Variants in ROBO1 observed in about 807,000 individuals in gnomAD.
ROBO1 encodes the protein roundabout homolog 1.
ROBO1 carries 149 observed loss-of-function variants against 195.9 expected under a neutral mutation model. The observed-to-expected ratio is 0.76, with a 90% CI of 0.67 to 0.87. ROBO1 has a LOEUF of 0.87. ROBO1 is among the 40% of genes least tolerant of loss of function. The probability of loss-of-function intolerance (pLI) is 0.00; values close to 1 mark genes in which losing one functional copy is unlikely to be tolerated. For missense variants in ROBO1, 1,933 were observed against 2,068.3 expected (o/e 0.93, Z 1.27); for synonymous variants, 816 against 733.2 (o/e 1.11, Z -1.82).
At chr3:78,820,332 T>TATCA (rs2030755914) in intron 4 of ROBO1, among the ~76,000 whole-genome samples, 2 of 152,330 alleles carry the variant, frequency 1.3e-5, no homozygotes, top group Non-Finnish European at 2.9e-5. Context: ...CAAATAATCC[T>TATCA]ATCAGATGGA....
chr3:79,500,091 A>G (rs1939976035), intron 2 of ROBO1, among the ~76,000 whole-genome samples: 1 of 141,648 alleles, frequency 7.1e-6, no homozygotes, highest in Non-Finnish European at 1.5e-5. Flanking sequence ...TACAGTCGTG[A>G]GCCATCCCAT....
At chr3:79,187,481 CTCAA>C (rs1310246019) in intron 2 of ROBO1, among the ~76,000 whole-genome samples, 3 of 152,012 alleles carry the variant, frequency 2.0e-5, no homozygotes, top group African/African-American at 7.2e-5. Flanking sequence ...GATATATTTT[CTCAA>C]TCAATTACTG....
At chr3:78,870,856 T>G (rs540914382) in intron 4 of ROBO1, among the ~76,000 whole-genome samples, 2 of 152,296 alleles carry the variant, frequency 1.3e-5, no homozygotes, top group East Asian at 3.9e-4. Flanking sequence ...GCCCTCTACT[T>G]AACTTAGCTA....
intron 3 of ROBO1, among the ~76,000 whole-genome samples, chr3:79,055,184 T>A (rs1226514241): frequency 3.3e-5 from 5 of 152,058 alleles, no homozygotes; most frequent in Non-Finnish European, 5.9e-5. Context: ...ATTCCACTGA[T>A]GAGATTAAAT....
At chr3:79,486,376 C>T (rs1939161562) in intron 2 of ROBO1, among the ~76,000 whole-genome samples, 1 of 152,066 alleles carries the variant, frequency 6.6e-6, no homozygotes. Context: ...CCCTGCAAGA[C>T]CTTTCTTGGC....
At chr3:78,908,603 C>T (rs78635085) in intron 4 of ROBO1, among the ~76,000 whole-genome samples, 1,827 of 151,976 alleles carry the variant, frequency 0.012, 33 homozygotes, top group African/African-American at 0.042. Context: ...ATATGCTATG[C>T]GAATTCCTCC....
At chr3:79,460,599 C>T (rs1173740870) in intron 2 of ROBO1, among the ~76,000 whole-genome samples, 3 of 152,024 alleles carry the variant, frequency 2.0e-5, no homozygotes, top group Non-Finnish European at 4.4e-5. Flanking sequence ...TAAAATTATG[C>T]CAATTTTTCT....
chr3:79,370,908 C>A (rs2036169427), intron 2 of ROBO1, among the ~76,000 whole-genome samples: 1 of 151,916 alleles, frequency 6.6e-6, no homozygotes. Context: ...CACTGTTCAA[C>A]TCCCACTTAT....
chr3:79,010,943 T>C (rs78056444), intron 3 of ROBO1, among the ~76,000 whole-genome samples: 2,198 of 152,300 alleles, frequency 0.014, 20 homozygotes, highest in Non-Finnish European at 0.024. Flanking sequence ...TAGAAAGTGG[T>C]CGTTCTACCA....
chr3:79,608,226 T>C (rs1944550162), intron 1 of ROBO1, among the ~76,000 whole-genome samples: 1 of 151,940 alleles, frequency 6.6e-6, no homozygotes, highest in Admixed American at 6.6e-5. Flanking sequence ...AAAGCACCTT[T>C]AGTCCAAAAT....
At chr3:79,624,017 G>C (rs776937744) in intron 1 of ROBO1, among the ~76,000 whole-genome samples, 12 of 152,198 alleles carry the variant, frequency 7.9e-5, no homozygotes, top group Non-Finnish European at 7.3e-5. Flanking sequence ...AATTCTACAA[G>C]CCAGAAGAAA....
intron 1 of ROBO1, among the ~76,000 whole-genome samples, chr3:79,705,607 G>T (rs558952507): frequency 1.3e-5 from 2 of 152,080 alleles, no homozygotes; most frequent in African/African-American, 4.8e-5. Flanking sequence ...TTTGAATTTG[G>T]ATAGCGTCAA....
At chr3:78,634,525 T>C in intron 23 of ROBO1, 1 of 353,000 alleles carries the variant, frequency 2.8e-6, no homozygotes, top group East Asian at 9.3e-5. Context: ...TATTATGGTC[T>C]GACATACCAA....
At chr3:79,326,509 C>T (rs568114710) in intron 2 of ROBO1, among the ~76,000 whole-genome samples, 54 of 151,938 alleles carry the variant, frequency 3.6e-4, no homozygotes, top group African/African-American at 1.3e-3. Context: ...GGCAGGTTCC[C>T]CAATAGTAAT....
intron 10 of ROBO1, among the ~76,000 whole-genome samples, chr3:78,685,294 G>A (rs2107820245): frequency 6.6e-6 from 1 of 152,200 alleles, no homozygotes. Context: ...AATTGAGCAT[G>A]TTTAGGGGAG....
intron 2 of ROBO1, among the ~76,000 whole-genome samples, chr3:79,419,854 T>G (rs2038153828): frequency 6.6e-6 from 1 of 152,096 alleles, no homozygotes; most frequent in Non-Finnish European, 1.5e-5. Flanking sequence ...AGACTAACAT[T>G]TGGAATCTGA....
intron 3 of ROBO1, among the ~76,000 whole-genome samples, chr3:78,963,030 G>A (rs1399224462): frequency 4.0e-5 from 6 of 151,218 alleles, no homozygotes; most frequent in Non-Finnish European, 7.4e-5. Flanking sequence ...TGTTGAGCAT[G>A]GAGTATCTTA....
chr3:79,710,839 A>G (rs141575032), intron 1 of ROBO1, among the ~76,000 whole-genome samples: 1 of 152,166 alleles, frequency 6.6e-6, no homozygotes, highest in African/African-American at 2.4e-5. Context: ...TTATTTGAGT[A>G]AATCTTGTAA....
At chr3:79,584,646 T>TACAC (rs368909952) in intron 2 of ROBO1, among the ~76,000 whole-genome samples, 7 of 141,580 alleles carry the variant, frequency 4.9e-5, no homozygotes, top group African/African-American at 1.9e-4. Context: ...TGTATGTTCA[T>TACAC]ACACACACAC....
Sources: gnomAD v4.1 joint callset for allele counts (sites outside exome capture counted in the v4.1 genomes callset) on GRCh38, gnomAD v4.1.1 for gene constraint, MANE v1.5 for transcripts, NCBI Gene and HGNC (gene_info 2026-07-23, HGNC 2026-07-21) for gene names.